Variants in HSD17B12 observed in about 807,000 individuals in gnomAD.
HSD17B12 encodes the protein very-long-chain 3-oxoacyl-CoA reductase.
In HSD17B12, 32 loss-of-function variants were observed where a neutral mutation model predicts 39.3. That is an observed-to-expected ratio of 0.81 (90% CI 0.61 to 1.09). The LOEUF (loss-of-function observed/expected upper bound fraction) is 1.09, where lower values mean the gene tolerates loss of function less well. Among genes scored for constraint, HSD17B12 ranks in the 50% least tolerant of loss-of-function variants. The pLI, the probability that HSD17B12 is intolerant of heterozygous loss-of-function variation, is 0.00. For missense variants in HSD17B12, 342 were observed against 382.9 expected, an observed-to-expected ratio of 0.89 and a Z score of 0.89; for synonymous variants, 150 against 146.7, an observed-to-expected ratio of 1.02 and a Z score of -0.16.
the HSD17B12 span, among the ~76,000 whole-genome samples, chr11:43,594,805 C>T: frequency 2.0e-5 from 3 of 152,224 alleles, no homozygotes; most frequent in African/African-American, 7.2e-5. Context: ...CCCTTGCCCC[C>T]ACCCTGCCAA....
chr11:43,675,247 G>A, the HSD17B12 span, among the ~76,000 whole-genome samples: 1 of 152,228 alleles, frequency 6.6e-6, no homozygotes, highest in Admixed American at 6.5e-5. Context: ...AGGATTGCTA[G>A]AGCAGAGGAT....
rs1264665391 is a variant in HSD17B12 at position 43,816,395 on chromosome 11, A to G, written c.501+4A>G. The G allele has an allele frequency of 2.0e-6, 3 of 1,522,506 alleles. No homozygotes were observed. The highest frequency in any genetic ancestry group is 1.2e-5 in the South Asian group (1 of 81,608). The allele number at this position is 1,522,506 out of a possible 1,614,324, so 94.3% of individuals were successfully genotyped here. A position where few individuals can be genotyped will look rare whatever the true frequency, so the allele number is the denominator to read the frequency against. ...TAATATTCTTTCTGTTTGTAAGGTA[A>G]GCATCCTTGTTATAAAGATGTCATC... On this transcript the variant is annotated splice_donor_region_variant and intron_variant, in intron 6 of 10. Coordinates refer to ENST00000278353, the MANE Select transcript of HSD17B12 (RefSeq NM_016142.3).
At chr11:43,656,867 T>C in the HSD17B12 span, among the ~76,000 whole-genome samples, 287 of 152,336 alleles carry the variant, frequency 1.9e-3, 2 homozygotes, top group African/African-American at 6.4e-3. Flanking sequence ...CTGAAAAGAA[T>C]GTATATTCTG....
At chr11:43,675,739 G>T (rs918898157), upstream of HSD17B12, among the ~76,000 whole-genome samples, 5 of 152,096 alleles carry the variant, frequency 3.3e-5, no homozygotes, top group African/African-American at 9.7e-5. Flanking sequence ...GTTAGTAGTG[G>T]CCAGTCAAGA....
chr11:43,846,329 ATAT>A, intron 9 of HSD17B12, among the ~76,000 whole-genome samples: 1 of 152,340 alleles, frequency 6.6e-6, no homozygotes, highest in Non-Finnish European at 1.5e-5. Context: ...TTTTACATAG[ATAT>A]TAACCTAGTC....
chr11:43,612,295 C>A, the HSD17B12 span, among the ~76,000 whole-genome samples: 1 of 151,990 alleles, frequency 6.6e-6, no homozygotes, highest in Non-Finnish European at 1.5e-5. Flanking sequence ...TTATCTTATT[C>A]TTTGCATCCA....
the HSD17B12 span, among the ~76,000 whole-genome samples, chr11:43,575,699 A>T: frequency 3.8e-4 from 58 of 152,106 alleles, 1 homozygote; most frequent in Non-Finnish European, 3.1e-4. The surrounding 1 kb of genome is among the most constrained non-coding windows in gnomAD (Gnocchi z 4.1). Flanking sequence ...GCTGAACCAG[A>T]CCCACCAAAG....
At chr11:43,697,407 T>G (rs1011777300) in intron 1 of HSD17B12, among the ~76,000 whole-genome samples, 14 of 152,208 alleles carry the variant, frequency 9.2e-5, no homozygotes, top group African/African-American at 3.4e-4. Flanking sequence ...TAATGTTTAT[T>G]AAAAAGCTTA....
chr11:43,589,593 T>C, the HSD17B12 span, among the ~76,000 whole-genome samples: 65 of 152,352 alleles, frequency 4.3e-4, no homozygotes, highest in Non-Finnish European at 7.2e-4. Context: ...AAACCCACAG[T>C]CTATGCATTG....
chr11:43,732,803 G>A (rs1950281619), intron 1 of HSD17B12, among the ~76,000 whole-genome samples: 1 of 152,018 alleles, frequency 6.6e-6, no homozygotes, highest in African/African-American at 2.4e-5. Context: ...TTAATTGACA[G>A]TCTCTGTTGC....
intron 7 of HSD17B12, among the ~76,000 whole-genome samples, chr11:43,834,449 C>T (rs2135119793): frequency 6.6e-6 from 1 of 152,070 alleles, no homozygotes; most frequent in South Asian, 2.1e-4. Flanking sequence ...ATTAACCCTG[C>T]AGTTCCGGTT....
Position 43,831,111 on chromosome 11 carries a change from C to T in HSD17B12, c.536+101C>T. On this transcript the variant is annotated intron_variant, in intron 7 of 10. Transcript: ENST00000278353. This position sits in a 1 kb window ranked among gnomAD's most constrained non-coding sequence, Gnocchi z 4.1. ...AAAAATCACTGAAGTGACTAATGAA[C>T]CAAGCCTCCATGTCTTAGCCACAGA... 9.2e-7 allele frequency: 1 copy of T among 1,083,716 alleles called. No individual in the cohort carries two copies. Among genetic ancestry groups the T allele is most frequent in the Non-Finnish European group, 1.4e-6 (1 of 736,924 alleles). 67.1% of individuals were successfully genotyped at this position (1,083,716 alleles called of 1,614,324 possible). A position where few individuals can be genotyped will look rare whatever the true frequency, so the allele number is the denominator to read the frequency against.
At chr11:43,655,222 A>G in the HSD17B12 span, among the ~76,000 whole-genome samples, 2 of 152,186 alleles carry the variant, frequency 1.3e-5, no homozygotes, top group African/African-American at 4.8e-5. Flanking sequence ...TTATTGGTGT[A>G]TAAGAATGCT....
intron 1 of HSD17B12, among the ~76,000 whole-genome samples, chr11:43,742,150 T>A (rs1284687280): frequency 1.4e-5 from 2 of 146,680 alleles, no homozygotes; most frequent in Admixed American, 6.8e-5. Context: ...TTTTTTTTTT[T>A]AAATTGAGAC....
rs1565097476 is a variant in HSD17B12 at position 43,810,370 on chromosome 11, TATATA to T, written c.392-5066_392-5062del. Among the ~76,000 whole-genome samples, 38 of 104,836 alleles carry T rather than the reference TATATA, an allele frequency of 3.6e-4. 1 individual carries two copies. Among genetic ancestry groups the T allele is most frequent in the Non-Finnish European group, 6.0e-4 (31 of 51,784 alleles). The allele number at this position is 104,836 out of a possible 152,430, so 68.8% of individuals were successfully genotyped here. On this transcript the variant is annotated intron_variant, in intron 4 of 10. Transcript: ENST00000278353. ...TTAAAGCAGTATAATTTAGAAATTA[TATATA>T]TATATATATATATATATATATATAT...
the HSD17B12 span, among the ~76,000 whole-genome samples, chr11:43,581,654 G>C: frequency 5.9e-5 from 9 of 152,212 alleles, no homozygotes; most frequent in African/African-American, 1.9e-4. The surrounding 1 kb of genome is among the most constrained non-coding windows in gnomAD (Gnocchi z 4.9). Flanking sequence ...TTCCCTCCGA[G>C]CGAGTCCCCC....
Position 43,844,104 on chromosome 11 carries a change from A to T in HSD17B12, c.684+4040A>T, listed in dbSNP as rs538462017. Among the ~76,000 whole-genome samples, 68 of 152,228 alleles carry T rather than the reference A, an allele frequency of 4.5e-4. 1 individual carries two copies. Among genetic ancestry groups the T allele is most frequent in the African/African-American group, 1.5e-3 (63 of 41,544 alleles). ...TCTGAATGGCTTCTAGACTAATGCTATGTGGCCATGTTTCCATTTTTTTCT... is the reference window on the plus strand; with the variant it reads ...TCTGAATGGCTTCTAGACTAATGCTTTGTGGCCATGTTTCCATTTTTTTCT... On this transcript the variant is annotated intron_variant, in intron 9 of 10. Coordinates refer to ENST00000278353, the MANE Select transcript of HSD17B12 (RefSeq NM_016142.3).
At chr11:43,718,839 G>A (rs544802797) in intron 1 of HSD17B12, 83 of 867,090 alleles carry the variant, frequency 9.6e-5, no homozygotes, top group African/African-American at 1.2e-4. Context: ...CCACGACTCC[G>A]GAAGCAGCCC....
At chr11:43,744,888 C>G (rs1466242490) in intron 1 of HSD17B12, among the ~76,000 whole-genome samples, 3 of 152,188 alleles carry the variant, frequency 2.0e-5, no homozygotes, top group Non-Finnish European at 2.9e-5. Context: ...AGAGAGATGC[C>G]TAAATGAGGT....
Sources: gnomAD v4.1 joint callset for allele counts (sites outside exome capture counted in the v4.1 genomes callset) on GRCh38, gnomAD v4.1.1 for gene constraint, Gnocchi (gnomAD v3.1) non-coding constraint, MANE v1.5 for transcripts, NCBI Gene and HGNC (gene_info 2026-07-23, HGNC 2026-07-21) for gene names.